Variants in CSMD1 observed in about 807,000 individuals in gnomAD.
CSMD1 encodes CUB and Sushi multiple domains 1, also known as CUB and sushi domain-containing protein 1.
A neutral mutation model predicts 417.5 loss-of-function variants in CSMD1; 213 were observed. The observed-to-expected ratio is 0.51, with a 90% CI of 0.46 to 0.57. CSMD1 has a LOEUF of 0.57. Ranked by LOEUF, CSMD1 falls within the 20% of genes least tolerant of loss-of-function variation. The probability of loss-of-function intolerance (pLI) is 0.00; values close to 1 mark genes in which losing one functional copy is unlikely to be tolerated. For missense variants in CSMD1, 6,923 were observed against 4,529.7 expected (o/e 1.53, Z -15.17); for synonymous variants, 2,862 against 1,736.8 (o/e 1.65, Z -16.11).
intron 10 of CSMD1, among the ~76,000 whole-genome samples, chr8:3,524,213 G>A (rs556512832): frequency 1.4e-5 from 2 of 142,256 alleles, no homozygotes; most frequent in African/African-American, 5.3e-5. Flanking sequence ...ATGCAACCCA[G>A]ACAATATGCA....
rs77404657 is a variant in CSMD1, at chr8:4,051,475, G to C, written c.416-19376C>G. ...TCAAAGCGCCCTACACGTATAAATT[G>C]AATGCACCATTGTTGTTATTCTGTA... On this transcript the variant is annotated intron_variant, in intron 3 of 69. Coordinates refer to ENST00000635120, the MANE Select transcript of CSMD1 (RefSeq NM_033225.6). 9.3e-3 allele frequency among the ~76,000 whole-genome samples: 1,409 copies of C among 152,252 alleles called. 30 individuals are homozygous for C. Among genetic ancestry groups the C allele is most frequent in the African/African-American group, 0.032 (1,349 of 41,544 alleles).
chr8:4,044,170 G>C (rs1232598347), intron 3 of CSMD1, among the ~76,000 whole-genome samples: 1 of 152,070 alleles, frequency 6.6e-6, no homozygotes, highest in Non-Finnish European at 1.5e-5. Context: ...AGTTGGGGTG[G>C]ACTCATTCAT....
chr8:4,318,476 A>G (rs777000363), intron 3 of CSMD1, among the ~76,000 whole-genome samples: 1 of 152,128 alleles, frequency 6.6e-6, no homozygotes, highest in Non-Finnish European at 1.5e-5. Context: ...AAGTAATGAA[A>G]CAAAGCTTGC....
chr8:4,286,961 G>A (rs954933368), intron 3 of CSMD1, among the ~76,000 whole-genome samples: 18 of 152,188 alleles, frequency 1.2e-4, no homozygotes, highest in African/African-American at 4.3e-4. Context: ...CATAGAGGCA[G>A]CTGAAGGAGG....
chr8:4,405,605 CAAAAAAGA>C (rs1804952195), intron 3 of CSMD1, among the ~76,000 whole-genome samples: 4 of 151,872 alleles, frequency 2.6e-5, no homozygotes, highest in South Asian at 2.1e-4. Flanking sequence ...TGTTGACAAT[CAAAAAAGA>C]AAAAAAGAAA....
At chr8:3,241,391 C>A (rs371063916) in intron 26 of CSMD1, among the ~76,000 whole-genome samples, 10 of 151,976 alleles carry the variant, frequency 6.6e-5, no homozygotes, top group African/African-American at 2.4e-4. Flanking sequence ...AAGAAGGGGA[C>A]GGTCTTACCC....
In CSMD1 at chr8:4,614,851, T is replaced by C. The variant is rs1370309448; in HGVS notation, c.302+22491A>G. On this transcript the variant is annotated intron_variant, in intron 2 of 69. Coordinates refer to ENST00000635120, the MANE Select transcript of CSMD1 (RefSeq NM_033225.6). The stretch of plus-strand genomic sequence containing the variant: ...ATTATTTTTTTAAAAATGAATAATA[T>C]GAAAACCTAAAGATATAAAGTATTA... Among the ~76,000 whole-genome samples, 4 of 152,340 alleles carry C rather than the reference T, an allele frequency of 2.6e-5. 1 individual carries two copies. Among genetic ancestry groups the C allele is most frequent in the South Asian group, 4.1e-4 (2 of 4,834 alleles).
At chr8:3,475,518 A>G (rs1161882361) in intron 11 of CSMD1, among the ~76,000 whole-genome samples, 1 of 152,178 alleles carries the variant, frequency 6.6e-6, no homozygotes, top group African/African-American at 2.4e-5. Context: ...TGGCTCTGTC[A>G]TTAATTCACG....
rs5889027 is a variant in CSMD1 at position 4,212,751 on chromosome 8, C to CTTTTTTTT, written c.416-180660_416-180653dup. The stretch of plus-strand genomic sequence containing the variant: ...AAAAGTTTACAACAGCGGCCTTATT[C>CTTTTTTTT]TTTTTTTTTTTTTTTTTTTTTTTTT... On this transcript the variant is annotated intron_variant, in intron 3 of 69. Transcript: ENST00000635120. 1.2e-3 allele frequency among the ~76,000 whole-genome samples: 122 copies of CTTTTTTTT among 99,204 alleles called. 9 individuals are homozygous for CTTTTTTTT. Among genetic ancestry groups the CTTTTTTTT allele is most frequent in the African/African-American group, 4.6e-3 (108 of 23,440 alleles). The allele number at this position is 99,204 out of a possible 152,430, so 65.1% of individuals were successfully genotyped here.
In CSMD1 at chr8:4,444,346, C is replaced by CAAAAAAAAAAAAAA. The variant is rs112028005; in HGVS notation, c.303-24295_303-24282dup. ...TGGGCTACAGAGTGAGACTCCATCT[C>CAAAAAAAAAAAAAA]AAAAAAAAAAAAAAAAAAAAAAAAA... On this transcript the variant is annotated intron_variant, in intron 2 of 69. Coordinates refer to ENST00000635120, the MANE Select transcript of CSMD1 (RefSeq NM_033225.6). Among the ~76,000 whole-genome samples, 32 of 46,276 alleles carry CAAAAAAAAAAAAAA rather than the reference C, an allele frequency of 6.9e-4. 5 individuals are homozygous for CAAAAAAAAAAAAAA. Among genetic ancestry groups the CAAAAAAAAAAAAAA allele is most frequent in the African/African-American group, 1.8e-3 (26 of 14,104 alleles). The allele number at this position is 46,276 out of a possible 152,430, so 30.4% of individuals were successfully genotyped here.
chr8:3,684,492 AATT>A, intron 7 of CSMD1, among the ~76,000 whole-genome samples: 1 of 151,312 alleles, frequency 6.6e-6, no homozygotes, highest in African/African-American at 2.4e-5. Context: ...TTTGCTTGCT[AATT>A]ATGAACATAT....
intron 3 of CSMD1, among the ~76,000 whole-genome samples, chr8:4,314,939 G>C (rs967266420): frequency 6.6e-6 from 1 of 152,142 alleles, no homozygotes; most frequent in African/African-American, 2.4e-5. Context: ...AGGAAAAGTG[G>C]GGTTGACATT....
chr8:3,841,474 T>C (rs770237746), intron 5 of CSMD1, among the ~76,000 whole-genome samples: 1 of 152,136 alleles, frequency 6.6e-6, no homozygotes, highest in Non-Finnish European at 1.5e-5. Flanking sequence ...AAGCACTGCA[T>C]TCCCCATTCC....
At chr8:3,139,918 T>C (rs1185544614) in intron 41 of CSMD1, among the ~76,000 whole-genome samples, 3 of 150,796 alleles carry the variant, frequency 2.0e-5, no homozygotes, top group Non-Finnish European at 4.4e-5. Flanking sequence ...TTTTTTTTTT[T>C]TTTAGATGGA....
intron 1 of CSMD1, among the ~76,000 whole-genome samples, chr8:4,943,176 C>T (rs925858369): frequency 8.5e-5 from 13 of 152,076 alleles, no homozygotes; most frequent in Admixed American, 3.3e-4. Flanking sequence ...TTATGTATAC[C>T]GTTTTCAAAG....
chr8:4,361,778 A>T (rs1299490060), intron 3 of CSMD1, among the ~76,000 whole-genome samples: 1 of 151,964 alleles, frequency 6.6e-6, no homozygotes, highest in Non-Finnish European at 1.5e-5. Flanking sequence ...ACACGGTGAA[A>T]CCCCATCTCT....
intron 5 of CSMD1, among the ~76,000 whole-genome samples, chr8:3,754,877 A>G (rs1186468343): frequency 1.3e-5 from 2 of 152,212 alleles, no homozygotes; most frequent in Non-Finnish European, 2.9e-5. Context: ...TTTCCTACCA[A>G]AGTAAAGAAG....
Position 4,236,026 on chromosome 8 carries a change from G to GCTTTTTTTTTTTTTTTTTT in CSMD1, c.415+183926_415+183927insAAAAAAAAAAAAAAAAAAG, listed in dbSNP as rs1420352173. On this transcript the variant is annotated intron_variant, in intron 3 of 69. Coordinates refer to ENST00000635120, the MANE Select transcript of CSMD1 (RefSeq NM_033225.6). ...GTGAGCAAAGAGGTTAATGGATATT[G>GCTTTTTTTTTTTTTTTTTT]TTTTTTTTGTTTGTTTTTTTTTTTT... Among the ~76,000 whole-genome samples the GCTTTTTTTTTTTTTTTTTT allele has an allele frequency of 7.4e-5, 8 of 108,078 alleles. 1 individual carries two copies. The highest frequency in any genetic ancestry group is 1.3e-4 in the African/African-American group (3 of 23,726). 70.9% of individuals were successfully genotyped at this position (108,078 alleles called of 152,430 possible). A position where few individuals can be genotyped will look rare whatever the true frequency, so the allele number is the denominator to read the frequency against.
chr8:3,512,897 T>A (rs926090194), intron 10 of CSMD1, among the ~76,000 whole-genome samples: 6 of 152,094 alleles, frequency 3.9e-5, no homozygotes, highest in Non-Finnish European at 8.8e-5. Context: ...CACTTGGTCT[T>A]TTTAAGGAGG....
Sources: allele counts gnomAD v4.1 joint callset (sites outside exome capture counted in the v4.1 genomes callset), GRCh38; gene constraint gnomAD v4.1.1; transcripts MANE v1.5; gene names NCBI Gene and HGNC (gene_info 2026-07-23, HGNC 2026-07-21).